AKAP13: variants seen among roughly 807,000 people sequenced by gnomAD.
AKAP13 encodes the protein A-kinase anchor protein 13.
A neutral mutation model predicts 264.5 loss-of-function variants in AKAP13; 80 were observed. The observed-to-expected ratio is 0.30, with a 90% CI of 0.25 to 0.36. AKAP13 has a LOEUF of 0.36. AKAP13 is among the 10% of genes least tolerant of loss of function. AKAP13 has a pLI of 1.00. For missense variants in AKAP13, 3,712 were observed against 3,435.2 expected (o/e 1.08, Z -2.01); for synonymous variants, 1,380 against 1,250.2 (o/e 1.10, Z -2.19).
chr15:85,689,180 G>A (rs541524183), intron 16 of AKAP13, among the ~76,000 whole-genome samples: 112 of 152,340 alleles, frequency 7.4e-4, no homozygotes, highest in African/African-American at 2.3e-3. Flanking sequence ...ACAGCTGCAA[G>A]TATACTACAT....
At chr15:85,399,544 AAATAAAT>A (rs2071322392) in intron 1 of AKAP13, among the ~76,000 whole-genome samples, 7 of 140,578 alleles carry the variant, frequency 5.0e-5, no homozygotes, top group Admixed American at 3.5e-4. Context: ...AAAAATAAAT[AAATAAAT>A]AAATAAAGTT....
In AKAP13 at chr15:85,655,600, G is replaced by A. The variant is rs769400321; in HGVS notation, c.4558G>A (p.Gly1520Ser). ...GFYSHGMGAEGRESESEPADP... is the reference protein window; with the variant it reads ...GFYSHGMGAESRESESEPADP... ...CTACAGCCATGGGATGGGAGCTGAG[G>A]GTCGAGAAAGTGAGAGTGAGCCTGC... The change falls in exon 11 of 37, where the codon GGT becomes AGT. Residue 1520 changes from glycine (G) to serine (S), a missense_variant. Gly to Ser is a moderately conservative substitution (Grantham distance 56, BLOSUM62 0). Coordinates refer to ENST00000394518, the MANE Select transcript of AKAP13 (RefSeq NM_007200.5). 7 of 1,613,582 alleles carry A rather than the reference G, an allele frequency of 4.3e-6. 1 individual carries two copies. In the South Asian group the frequency reaches 6.6e-5, roughly 15 times the overall value.
intron 1 of AKAP13, among the ~76,000 whole-genome samples, chr15:85,404,491 G>A (rs867253153): frequency 6.6e-6 from 1 of 152,216 alleles, no homozygotes; most frequent in South Asian, 2.1e-4. Context: ...GTGTGCCAAT[G>A]TGGAGGCTAG....
chr15:85,480,724 G>A (rs919400445), intron 1 of AKAP13: 2 of 151,966 alleles, frequency 1.3e-5, no homozygotes, highest in Admixed American at 6.6e-5. Flanking sequence ...TTTCTCTCTT[G>A]TTGCCCAGGC....
intron 8 of AKAP13, among the ~76,000 whole-genome samples, chr15:85,605,150 C>T (rs1035535241): frequency 1.3e-5 from 2 of 152,318 alleles, no homozygotes; most frequent in African/African-American, 4.8e-5. Context: ...TAAACACACA[C>T]ATACATCCCG....
Position 85,708,598 on chromosome 15 carries a change from T to G in AKAP13, c.5532+512T>G, listed in dbSNP as rs2086448382. Among the ~76,000 whole-genome samples the G allele has an allele frequency of 6.6e-6, 1 of 152,130 alleles. No homozygotes were observed. The highest frequency in any genetic ancestry group is 1.5e-5 in the Non-Finnish European group (1 of 68,026). On this transcript the variant is annotated intron_variant, in intron 18 of 36. Coordinates refer to ENST00000394518, the MANE Select transcript of AKAP13 (RefSeq NM_007200.5). The surrounding 1 kb of genome is among the most constrained non-coding windows in gnomAD (Gnocchi z 4.3). ...TGACGTAAGAATAGAAAGTGCCTGT[T>G]TTATGGTGGTATCTGCCCTGAGCAT... is the stretch of plus-strand genomic sequence containing the variant.
chr15:85,573,416 CG>C (rs1761001384), intron 5 of AKAP13, among the ~76,000 whole-genome samples: 1 of 151,994 alleles, frequency 6.6e-6, no homozygotes, highest in Non-Finnish European at 1.5e-5. Flanking sequence ...CGTGGTGGGA[CG>C]CGCCTGTAAT....
At chr15:85,553,040 A>G (rs186684099) in intron 5 of AKAP13, among the ~76,000 whole-genome samples, 151 of 152,246 alleles carry the variant, frequency 9.9e-4, no homozygotes, top group African/African-American at 3.4e-3. Context: ...CTAGTTAATA[A>G]AAAGTTAAAT....
At chr15:85,735,274 A>C in intron 31 of AKAP13, 124 bp downstream of exon 31, 1 of 1,281,052 alleles carries the variant, frequency 7.8e-7, no homozygotes, top group South Asian at 1.5e-5. Flanking sequence ...GTGAGATTTC[A>C]AGACACTCAA....
chr15:85,460,640 T>G (rs541377572), intron 1 of AKAP13, among the ~76,000 whole-genome samples: 23 of 152,350 alleles, frequency 1.5e-4, no homozygotes, highest in African/African-American at 4.8e-4. Flanking sequence ...GAGATCATCT[T>G]GGATTACCCA....
chr15:85,392,125 G>T (rs1040528383), intron 1 of AKAP13, among the ~76,000 whole-genome samples: 2 of 151,554 alleles, frequency 1.3e-5, no homozygotes, highest in Non-Finnish European at 2.9e-5. Flanking sequence ...TATTTTTTGA[G>T]GTTGGGCTCA....
intron 1 of AKAP13, among the ~76,000 whole-genome samples, chr15:85,400,690 A>G (rs918635231): frequency 1.7e-4 from 26 of 152,038 alleles, no homozygotes; most frequent in Middle Eastern, 3.2e-3. Flanking sequence ...TTGTATAGGA[A>G]GTTGTAAGTC....
intron 8 of AKAP13, chr15:85,621,464 T>TA (rs2081181872): frequency 6.6e-6 from 1 of 152,234 alleles, no homozygotes; most frequent in Admixed American, 6.5e-5. Context: ...ATAATGTATT[T>TA]AGGAGAATCT....
intron 2 of AKAP13, among the ~76,000 whole-genome samples, chr15:85,490,563 G>A (rs2151069697): frequency 6.6e-6 from 1 of 152,364 alleles, no homozygotes; most frequent in South Asian, 2.1e-4. Flanking sequence ...GGACTGTGGT[G>A]TAGAAGACAA....
At chr15:85,654,878 T>C (rs945750007) in intron 10 of AKAP13, among the ~76,000 whole-genome samples, 1 of 151,666 alleles carries the variant, frequency 6.6e-6, no homozygotes, top group South Asian at 2.1e-4. Context: ...GTGTAGTACC[T>C]CTAGTAAGAG....
intron 12 of AKAP13, 50 bp downstream of exon 12, chr15:85,658,640 T>C: frequency 6.6e-7 from 1 of 1,513,240 alleles, no homozygotes; most frequent in Non-Finnish European, 9.1e-7. Flanking sequence ...TCTGAGCATA[T>C]ACTAACAAGC....
chr15:85,502,018 A>G (rs1489939727), intron 2 of AKAP13, among the ~76,000 whole-genome samples: 1 of 152,198 alleles, frequency 6.6e-6, no homozygotes, highest in Non-Finnish European at 1.5e-5. Flanking sequence ...ACTGGTTCTC[A>G]AACTTGAGCA....
In AKAP13 at chr15:85,514,177, T is replaced by C. The variant is rs967423671; in HGVS notation, c.34-7251T>C. Among the ~76,000 whole-genome samples, 2 of 137,656 alleles carry C rather than the reference T, an allele frequency of 1.5e-5. 1 individual carries two copies. The highest frequency in any genetic ancestry group is 3.1e-5 in the Non-Finnish European group (2 of 64,492). The allele number at this position is 137,656 out of a possible 152,430, so 90.3% of individuals were successfully genotyped here. ...TTACCATATGTTTGCGCAGTGATAA[T>C]TTTACTATTCCAGCAATCTCCCCTC... On this transcript the variant is annotated intron_variant, in intron 2 of 36. Coordinates refer to ENST00000394518, the MANE Select transcript of AKAP13 (RefSeq NM_007200.5).
intron 5 of AKAP13, among the ~76,000 whole-genome samples, chr15:85,545,494 T>A (rs2077703923): frequency 3.3e-5 from 5 of 152,212 alleles, no homozygotes; most frequent in Admixed American, 2.6e-4. Flanking sequence ...ACTTTAAAAG[T>A]ACTACTTCTG....
Sources: gnomAD v4.1 joint callset for allele counts (sites outside exome capture counted in the v4.1 genomes callset) on GRCh38, gnomAD v4.1.1 for gene constraint, Gnocchi (gnomAD v3.1) non-coding constraint, MANE v1.5 for transcripts, NCBI Gene and HGNC (gene_info 2026-07-23, HGNC 2026-07-21) for gene names.